POM121C: variants seen among roughly 807,000 people sequenced by gnomAD.
POM121C encodes POM121 transmembrane nucleoporin C.
Under a neutral mutation model 66.4 loss-of-function variants are expected in POM121C, and 20 were observed. The observed-to-expected ratio is 0.30, with a 90% CI of 0.21 to 0.44. The LOEUF (loss-of-function observed/expected upper bound fraction) is 0.44, where lower values mean the gene tolerates loss of function less well. Among genes scored for constraint, POM121C ranks in the 20% least tolerant of loss-of-function variants. POM121C has a pLI of 1.00. For synonymous variants in POM121C, 286 were observed against 528.0 expected (o/e 0.54, Z 6.28); for missense variants, 580 against 1,225.7 (o/e 0.47, Z 7.87).
In POM121C at chr7:75,417,321, A is replaced by ACTT. The variant is rs1316790727; in HGVS notation, c.*1472_*1474dup. The stretch of plus-strand genomic sequence containing the variant: ...TGAGCCTCTTCTTTGCACAGGCATA[A>ACTT]CTTAACTATACAGCTAATTCCTAGT... On this transcript the variant is annotated 3_prime_UTR_variant, in exon 15 of 15. Transcript: ENST00000615331. The ACTT allele has an allele frequency of 1.1e-6, 1 of 876,972 alleles. No homozygotes were observed. Among genetic ancestry groups the ACTT allele is most frequent in the African/African-American group, 1.8e-5 (1 of 54,878 alleles). 54.3% of individuals were successfully genotyped at this position (876,972 alleles called of 1,614,324 possible). A position where few individuals can be genotyped will look rare whatever the true frequency, so the allele number is the denominator to read the frequency against.
At chr7:75,457,753 T>C (rs1388306835) in intron 3 of POM121C, among the ~76,000 whole-genome samples, 2 of 152,194 alleles carry the variant, frequency 1.3e-5, no homozygotes, top group Non-Finnish European at 2.9e-5. Context: ...TCCAACCCAT[T>C]TCCCGTTCCC....
chr7:75,437,780 G>C, intron 6 of POM121C, 94 bp from the exon 7 acceptor site: 1 of 1,455,002 alleles, frequency 6.9e-7, no homozygotes, highest in South Asian at 1.5e-5. Context: ...ATAACATGAA[G>C]GGAAGAGAAT....
At chr7:75,428,979 C>T (rs1222556443) in intron 7 of POM121C, among the ~76,000 whole-genome samples, 16 of 149,744 alleles carry the variant, frequency 1.1e-4, no homozygotes, top group African/African-American at 2.7e-4. Context: ...CCAAAGGTGA[C>T]TGTAATGATT....
intron 3 of POM121C, among the ~76,000 whole-genome samples, chr7:75,448,120 G>A (rs1160648610): frequency 2.6e-5 from 4 of 152,042 alleles, no homozygotes; most frequent in African/African-American, 9.7e-5. Context: ...TTGGGAGGCT[G>A]AGCTGGGAGG....
chr7:75,425,041 G>A (rs369485481), intron 10 of POM121C, 33 bp downstream of exon 10: 50 of 1,473,430 alleles, frequency 3.4e-5, no homozygotes, highest in Middle Eastern at 2.6e-4. Flanking sequence ...GAGCTAAGCC[G>A]GGGAGGGCAG....
intron 3 of POM121C, among the ~76,000 whole-genome samples, chr7:75,464,424 C>A (rs1291629569): frequency 6.6e-6 from 1 of 152,078 alleles, no homozygotes; most frequent in Non-Finnish European, 1.5e-5. Context: ...ATGGCGAAAC[C>A]CCCTCTCTAC....
chr7:75,484,591 C>G (rs1238792147), intron 1 of POM121C, among the ~76,000 whole-genome samples: 1 of 146,060 alleles, frequency 6.8e-6, no homozygotes, highest in Non-Finnish European at 1.5e-5. Flanking sequence ...ATCCTTTGAA[C>G]CTGGGAGGTG....
At chr7:75,438,818 T>G (rs1215255827) in intron 6 of POM121C, among the ~76,000 whole-genome samples, 1 of 152,252 alleles carries the variant, frequency 6.6e-6, no homozygotes, top group Non-Finnish European at 1.5e-5. Context: ...TAAACTGACA[T>G]GTAGAAATTA....
At chr7:75,475,608 T>C (rs1382068911) in intron 1 of POM121C, among the ~76,000 whole-genome samples, 14 of 151,434 alleles carry the variant, frequency 9.2e-5, no homozygotes, top group Admixed American at 9.2e-4. Context: ...GTTCCTGGTC[T>C]TCTTCTTCCT....
chr7:75,484,944 C>A (rs1792459811), intron 1 of POM121C, among the ~76,000 whole-genome samples: 1 of 150,966 alleles, frequency 6.6e-6, no homozygotes, highest in Non-Finnish European at 1.5e-5. Context: ...ACCTCCTGGG[C>A]TCCATCCATC....
Position 75,416,988 on chromosome 7 carries a change from T to C in POM121C, c.*1808A>G, listed in dbSNP as rs1189954056. 13 of 1,325,154 alleles carry C rather than the reference T, an allele frequency of 9.8e-6. No individual in the cohort carries two copies. Among genetic ancestry groups the C allele is most frequent in the Non-Finnish European group, 1.3e-5 (13 of 1,034,176 alleles). 82.1% of individuals were successfully genotyped at this position (1,325,154 alleles called of 1,614,324 possible). On this transcript the variant is annotated 3_prime_UTR_variant, in exon 15 of 15. Coordinates refer to ENST00000615331, the MANE Select transcript of POM121C (RefSeq NM_001099415.3). ...GGGTTCCCGGACCGGCTGTCCTGCC[T>C]GCGGAACTGAGGTAAACAAGCTCAG...
In POM121C at chr7:75,483,054, C is replaced by T. The variant is rs587607326; in HGVS notation, c.-458+2810G>A. ...AACAAAAAGACGAACAAATATTTGA[C>T]GGATGATCACGTCATTCATTCCCCC... is the stretch of plus-strand genomic sequence containing the variant. On this transcript the variant is annotated intron_variant, in intron 1 of 14. Transcript: ENST00000615331. 2.7e-4 allele frequency among the ~76,000 whole-genome samples: 41 copies of T among 152,154 alleles called. 1 individual carries two copies. The South Asian group carries it at 8.1e-3, about 30-fold the overall frequency.
At chr7:75,481,030 AATATATATATATATAT>A (rs201637708) in intron 1 of POM121C, among the ~76,000 whole-genome samples, 1 of 137,026 alleles carries the variant, frequency 7.3e-6, no homozygotes, top group Non-Finnish European at 1.6e-5. Flanking sequence ...TAGTTCAAAA[AATATATATATATATAT>A]AAATATATAT....
Position 75,465,463 on chromosome 7 carries a change from G to C in POM121C, c.-152+9241C>G, listed in dbSNP as rs1314247644. ...CTACAAAAAAAAAAATAAAAAAGTA[G>C]CCTGAGTCCGGCCTGGCACAGTGGC... On this transcript the variant is annotated intron_variant, in intron 3 of 14. Transcript: ENST00000615331. Among the ~76,000 whole-genome samples the C allele has an allele frequency of 4.0e-5, 6 of 151,288 alleles. No individual in the cohort carries two copies. In the East Asian group the frequency reaches 1.2e-3, roughly 30 times the overall value.
Position 75,439,126 on chromosome 7 carries a change from G to C in POM121C, c.308+18C>G. On this transcript the variant is annotated intron_variant, in intron 6 of 14. Transcript: ENST00000615331. ...TTTCCAAACAGTTGGTATTTCATCT[G>C]GATGGACTCGCACTTACTTAGGCAC... The C allele has an allele frequency of 6.2e-7, 1 of 1,613,708 alleles. No individual in the cohort carries two copies.
At chr7:75,449,426 A>G (rs1790945524) in intron 3 of POM121C, among the ~76,000 whole-genome samples, 1 of 149,316 alleles carries the variant, frequency 6.7e-6, no homozygotes, top group African/African-American at 2.5e-5. Flanking sequence ...GTGCAGTGGC[A>G]CAATCTCGGC....
chr7:75,453,966 T>C (rs1358093126), intron 3 of POM121C, among the ~76,000 whole-genome samples: 5 of 152,224 alleles, frequency 3.3e-5, no homozygotes, highest in African/African-American at 1.2e-4. Flanking sequence ...TCCGGCAGCT[T>C]ACTTCTAAGG....
chr7:75,450,475 A>G (rs1790985597), intron 3 of POM121C, among the ~76,000 whole-genome samples: 2 of 152,300 alleles, frequency 1.3e-5, no homozygotes, highest in South Asian at 2.1e-4. Flanking sequence ...ACAAAGACCT[A>G]AGTTTTCACC....
chr7:75,443,298 T>TG (rs1173202679), intron 3 of POM121C, among the ~76,000 whole-genome samples: 54 of 152,194 alleles, frequency 3.5e-4, no homozygotes, highest in Non-Finnish European at 6.2e-4. Context: ...GGAGTGGGTT[T>TG]GGGGGTGGGG....
Sources: gnomAD v4.1 joint callset for allele counts (sites outside exome capture counted in the v4.1 genomes callset) on GRCh38, gnomAD v4.1.1 for gene constraint, MANE v1.5 for transcripts, NCBI Gene and HGNC (gene_info 2026-07-23, HGNC 2026-07-21) for gene names.